The following XRCC4 variants were observed in gnomAD, a reference collection of about 807,000 sequenced individuals.
The protein encoded by XRCC4 is DNA repair protein XRCC4.
Under a neutral mutation model 39.1 loss-of-function variants are expected in XRCC4, and 28 were observed. That is an observed-to-expected ratio of 0.72 (90% CI 0.53 to 0.98). The LOEUF (loss-of-function observed/expected upper bound fraction) is 0.98. Among genes scored for constraint, XRCC4 ranks in the 50% least tolerant of loss-of-function variants. The pLI is 0.00. For missense variants in XRCC4, 350 were observed against 376.4 expected (o/e 0.93, Z 0.58); for synonymous variants, 123 against 126.4 (o/e 0.97, Z 0.18).
At chr5:83,138,297 T>C (rs1747998357) in intron 3 of XRCC4, among the ~76,000 whole-genome samples, 1 of 152,172 alleles carries the variant, frequency 6.6e-6, no homozygotes, top group Non-Finnish European at 1.5e-5. Flanking sequence ...AATAACATCA[T>C]TTTAAATATG....
chr5:83,105,214 C>T (rs1158871458), intron 2 of XRCC4, among the ~76,000 whole-genome samples, 156 bp downstream of exon 2: 3 of 152,220 alleles, frequency 2.0e-5, no homozygotes, highest in Admixed American at 2.0e-4. Context: ...TTTAATGCCA[C>T]TTTCTATATT....
At chr5:83,240,388 CAA>C (rs1413634854) in intron 6 of XRCC4, among the ~76,000 whole-genome samples, 1 of 151,990 alleles carries the variant, frequency 6.6e-6, no homozygotes, top group Non-Finnish European at 1.5e-5. Context: ...TGGATCAAAA[CAA>C]GAGAGAAGCG....
chr5:83,092,546 G>A (rs1022837570), intron 1 of XRCC4, among the ~76,000 whole-genome samples: 3 of 152,018 alleles, frequency 2.0e-5, no homozygotes, highest in East Asian at 3.9e-4. Context: ...TCTTAGTACA[G>A]GGTTAAAGGA....
chr5:83,296,289 G>T (rs989418173), intron 7 of XRCC4, among the ~76,000 whole-genome samples: 3 of 151,970 alleles, frequency 2.0e-5, no homozygotes, highest in Admixed American at 6.6e-5. Context: ...TTTTCCCTTT[G>T]GCCTGTTTTA....
In XRCC4 at chr5:83,217,125, G is replaced by A. The variant is rs12523148; in HGVS notation, c.745+12204G>A. ...TTCCAGTGCATTGGGAGGACAAGGC[G>A]GGCAGATCACCTGAGGCCAGGAGTT... On this transcript the variant is annotated intron_variant, in intron 6 of 7. Coordinates refer to ENST00000396027, the MANE Select transcript of XRCC4 (RefSeq NM_003401.5). Among the ~76,000 whole-genome samples the A allele has an allele frequency of 2.8e-3, 420 of 152,032 alleles. 14 individuals are homozygous for A. The highest frequency in any genetic ancestry group is 0.025 in the Admixed American group (380 of 15,250).
At chr5:83,158,739 A>G (rs16900201) in intron 3 of XRCC4, among the ~76,000 whole-genome samples, 5,499 of 152,232 alleles carry the variant, frequency 0.036, 294 homozygotes, top group African/African-American at 0.12. Context: ...AATGTTGCCC[A>G]GTTTTACTGT....
intron 4 of XRCC4, among the ~76,000 whole-genome samples, chr5:83,200,469 G>T (rs958335848): frequency 3.3e-5 from 5 of 152,128 alleles, no homozygotes; most frequent in Non-Finnish European, 1.5e-5. Context: ...ACATAGATCT[G>T]ATACTGGTTA....
intron 7 of XRCC4, among the ~76,000 whole-genome samples, chr5:83,350,884 T>G: frequency 6.6e-6 from 1 of 152,168 alleles, no homozygotes. Flanking sequence ...TCTTCTAAGT[T>G]TTTTATAGTT....
Position 83,217,330 on chromosome 5 carries a change from C to T in XRCC4, c.745+12409C>T, listed in dbSNP as rs377437167. On this transcript the variant is annotated intron_variant, in intron 6 of 7. Coordinates refer to ENST00000396027, the MANE Select transcript of XRCC4 (RefSeq NM_003401.5). ...CAAGATCACTCCACTGCACTCTAGC[C>T]GGGGCAGCGCAGAGCAAGACTCCGT... Among the ~76,000 whole-genome samples the T allele has an allele frequency of 1.3e-3, 163 of 121,520 alleles. 1 individual carries two copies. Among genetic ancestry groups the T allele is most frequent in the Middle Eastern group, 6.8e-3 (1 of 146 alleles). 79.7% of individuals were successfully genotyped at this position (121,520 alleles called of 152,430 possible).
intron 7 of XRCC4, among the ~76,000 whole-genome samples, chr5:83,268,399 A>C (rs1754028316): frequency 1.3e-5 from 2 of 152,216 alleles, no homozygotes. Context: ...TCCCTTTTCC[A>C]TGCTGCTATA....
At chr5:83,096,876 G>T (rs1048336502) in intron 1 of XRCC4, among the ~76,000 whole-genome samples, 1 of 151,768 alleles carries the variant, frequency 6.6e-6, no homozygotes, top group African/African-American at 2.4e-5. Context: ...TATGGTACTT[G>T]TAGTTTCTAG....
intron 6 of XRCC4, among the ~76,000 whole-genome samples, chr5:83,257,025 GA>G (rs28360227): frequency 1.3e-5 from 2 of 150,854 alleles, no homozygotes; most frequent in Non-Finnish European, 3.0e-5. Context: ...TAGTTATTAA[GA>G]AAAAAAAATC....
chr5:83,276,651 G>T (rs936980836), intron 7 of XRCC4, among the ~76,000 whole-genome samples: 3 of 152,080 alleles, frequency 2.0e-5, no homozygotes, highest in African/African-American at 7.2e-5. Context: ...GACTTCCCAG[G>T]ATCCAGAACT....
chr5:83,202,816 T>A (rs1426598280), intron 4 of XRCC4, among the ~76,000 whole-genome samples: 1 of 152,208 alleles, frequency 6.6e-6, no homozygotes, highest in Non-Finnish European at 1.5e-5. Flanking sequence ...TTTGCTTTCT[T>A]TATATATCTC....
intron 7 of XRCC4, 62 bp from the exon 8 acceptor site, chr5:83,353,069 C>A: frequency 7.5e-7 from 1 of 1,333,686 alleles, no homozygotes; most frequent in Non-Finnish European, 1.0e-6. Context: ...TCTTCATTTT[C>A]TTTTACTCTA....
At chr5:83,241,048 G>A (rs1209347939) in intron 6 of XRCC4, among the ~76,000 whole-genome samples, 2 of 151,840 alleles carry the variant, frequency 1.3e-5, no homozygotes, top group Non-Finnish European at 1.5e-5. Context: ...CCAGCCTGGC[G>A]AACATGGCAA....
intron 1 of XRCC4, among the ~76,000 whole-genome samples, chr5:83,101,723 A>T (rs1745946993): frequency 6.6e-6 from 1 of 152,092 alleles, no homozygotes; most frequent in Admixed American, 6.6e-5. Flanking sequence ...TCAACATTTT[A>T]TGTGCATGAC....
chr5:83,154,644 G>A (rs1427213201), intron 3 of XRCC4, among the ~76,000 whole-genome samples: 1 of 151,934 alleles, frequency 6.6e-6, no homozygotes, highest in Non-Finnish European at 1.5e-5. Flanking sequence ...GGCTTTCTTT[G>A]TCTTTAGTTA....
chr5:83,172,033 CAAAT>C (rs1485846914), intron 3 of XRCC4, among the ~76,000 whole-genome samples: 2 of 152,128 alleles, frequency 1.3e-5, no homozygotes, highest in Non-Finnish European at 2.9e-5. Flanking sequence ...TGTTTTCTGT[CAAAT>C]GAATCAATAG....
Sources: allele counts gnomAD v4.1 joint callset (sites outside exome capture counted in the v4.1 genomes callset), GRCh38; gene constraint gnomAD v4.1.1; transcripts MANE v1.5; gene names NCBI Gene and HGNC (gene_info 2026-07-23, HGNC 2026-07-21).